The following USP25 variants were observed in gnomAD, a reference collection of about 807,000 sequenced individuals.
USP25 encodes ubiquitin carboxyl-terminal hydrolase 25.
In USP25, 85 loss-of-function variants were observed where a neutral mutation model predicts 158.5. The ratio of observed to expected loss-of-function variants is 0.54; its 90% CI spans 0.45 to 0.64. USP25 has a LOEUF of 0.64. Ranked by LOEUF, USP25 falls within the 30% of genes least tolerant of loss-of-function variation. The pLI is 0.00. For missense variants in USP25, 1,242 were observed against 1,327.3 expected, an observed-to-expected ratio of 0.94 and a Z score of 1.00; for synonymous variants, 464 against 460.4, an observed-to-expected ratio of 1.01 and a Z score of -0.10.
intron 7 of USP25, 56 bp from the exon 8 acceptor site, chr21:15,808,753 T>G (rs2036514874): frequency 7.5e-7 from 1 of 1,334,118 alleles, no homozygotes; most frequent in Non-Finnish European, 1.0e-6. Flanking sequence ...TGTTACAACA[T>G]CTAGTATTTT....
In USP25 at chr21:15,803,318, C is replaced by A. The variant is rs2183553; in HGVS notation, c.643-1803C>A. On this transcript the variant is annotated intron_variant, in intron 6 of 25. Transcript: ENST00000400183. ...ATTTCAAGAAAAGCAAACCACACAC[C>A]AATATTTCTCATGAATTTGGAAGCA... Among the ~76,000 whole-genome samples the A allele has an allele frequency of 5.6e-3, 848 of 151,722 alleles. 24 individuals are homozygous for A. The East Asian group carries it at 0.1, about 18-fold the overall frequency.
At chr21:15,789,037 A>G (rs961924944) in intron 4 of USP25, among the ~76,000 whole-genome samples, 1 of 151,978 alleles carries the variant, frequency 6.6e-6, no homozygotes, top group East Asian at 1.9e-4. Flanking sequence ...CCTTTTTGGA[A>G]TGGTGTGACA....
At chr21:15,789,821 T>C (rs1434101820) in intron 4 of USP25, among the ~76,000 whole-genome samples, 1 of 152,126 alleles carries the variant, frequency 6.6e-6, no homozygotes, top group Non-Finnish European at 1.5e-5. Context: ...CAAATGAGAA[T>C]ACTGCCATTT....
chr21:15,870,902 A>C (rs149773433), intron 23 of USP25, among the ~76,000 whole-genome samples: 156 of 152,338 alleles, frequency 1.0e-3, no homozygotes, highest in African/African-American at 3.2e-3. Flanking sequence ...TTCTGGAGCT[A>C]TGCTGTCCAA....
intron 1 of USP25, among the ~76,000 whole-genome samples, chr21:15,751,456 T>A (rs898210799): frequency 3.9e-5 from 6 of 152,204 alleles, no homozygotes; most frequent in Non-Finnish European, 8.8e-5. Flanking sequence ...TTTTGTTTTA[T>A]TAGTATAAGG....
intron 20 of USP25, among the ~76,000 whole-genome samples, chr21:15,855,814 A>G (rs745744378): frequency 4.6e-5 from 7 of 152,216 alleles, no homozygotes; most frequent in African/African-American, 9.6e-5. Flanking sequence ...CCGCCTTCCC[A>G]TCACTACAGT....
chr21:15,805,022 A>G, intron 6 of USP25, 99 bp from the exon 7 acceptor site: 1 of 1,235,388 alleles, frequency 8.1e-7, no homozygotes, highest in South Asian at 1.7e-5. Context: ...TATATTGGCT[A>G]GTTTAATTTT....
intron 14 of USP25, among the ~76,000 whole-genome samples, chr21:15,827,814 C>T (rs1436256199): frequency 6.9e-6 from 1 of 144,266 alleles, no homozygotes; most frequent in Non-Finnish European, 1.5e-5. Context: ...GTCAAGTTGC[C>T]ATCTGTCCTT....
rs747871062 is a variant in USP25 at position 15,878,397 on chromosome 21, A to C, written c.3300A>C (p.Ser1100=). 6.2e-7 allele frequency: 1 copy of C among 1,614,010 alleles called. No individual in the cohort carries two copies. The highest frequency in any genetic ancestry group is 1.3e-5 in the African/African-American group (1 of 74,934). The change falls in exon 26 of 26, where the codon TCA becomes TCC. Residue 1100 remains serine, a synonymous_variant. Transcript: ENST00000400183. The part of the protein sequence containing the change: ...KSFHEPPKLP[S]YSTHELCERF... ...TCCATGAGCCACCGAAGTTACCTTCATATTCCACGCATGAACTCTGTGAGC... is the reference window on the plus strand; with the variant it reads ...TCCATGAGCCACCGAAGTTACCTTCCTATTCCACGCATGAACTCTGTGAGC...
At chr21:15,781,505 G>T (rs1324588029) in intron 4 of USP25, among the ~76,000 whole-genome samples, 2 of 152,126 alleles carry the variant, frequency 1.3e-5, no homozygotes, top group African/African-American at 4.8e-5. Flanking sequence ...GAGTTGCTTG[G>T]CTATCATTTC....
chr21:15,757,395 C>A (rs1457390123), intron 1 of USP25, among the ~76,000 whole-genome samples: 1 of 152,080 alleles, frequency 6.6e-6, no homozygotes, highest in Non-Finnish European at 1.5e-5. Context: ...AAAACATGAA[C>A]CATACTAGAG....
intron 1 of USP25, among the ~76,000 whole-genome samples, chr21:15,755,241 C>G (rs1264362158): frequency 6.6e-6 from 1 of 151,990 alleles, no homozygotes; most frequent in African/African-American, 2.4e-5. Flanking sequence ...ACACCTATCC[C>G]CAAGGATGGA....
Position 15,825,037 on chromosome 21 carries a change from CG to C in USP25, c.1282del (p.Val428TyrfsTer6). On this transcript the variant is annotated frameshift_variant, in exon 12 of 26. Transcript: ENST00000400183. LOFTEE classifies it high-confidence loss of function. ...ATCAAGAGACTGAAAGATTACCTCA[CG>C]GTATTACAACAAAGGCTAGAAAGGT... ...EEIKRLKDYL[T>X]VLQQRLERYL... 6.2e-7 allele frequency: 1 copy of C among 1,610,436 alleles called. No individual in the cohort carries two copies.
At chr21:15,756,382 C>G (rs1159450660) in intron 1 of USP25, among the ~76,000 whole-genome samples, 2 of 152,090 alleles carry the variant, frequency 1.3e-5, no homozygotes, top group Non-Finnish European at 2.9e-5. Context: ...ACTCAGCAAG[C>G]CAGAATGCCA....
chr21:15,788,339 G>T (rs997666301), intron 4 of USP25, among the ~76,000 whole-genome samples: 1 of 151,978 alleles, frequency 6.6e-6, no homozygotes, highest in Non-Finnish European at 1.5e-5. Context: ...TATAGAAGGG[G>T]ATCAGGTGGA....
At chr21:15,866,202 AATAT>A (rs147076784) in intron 21 of USP25, 60 bp from the exon 22 acceptor site, 3,060 of 875,530 alleles carry the variant, frequency 3.5e-3, no homozygotes, top group Admixed American at 4.3e-3. Flanking sequence ...TTGATTTACA[AATAT>A]ATATATATAT....
intron 21 of USP25, among the ~76,000 whole-genome samples, chr21:15,865,587 CAG>C (rs755170014): frequency 1.3e-5 from 2 of 152,164 alleles, no homozygotes; most frequent in Non-Finnish European, 2.9e-5. Context: ...AGTTCAGAAA[CAG>C]GGTTGTTGTG....
chr21:15,784,358 A>G (rs1434353891), intron 4 of USP25, among the ~76,000 whole-genome samples: 1 of 152,166 alleles, frequency 6.6e-6, no homozygotes, highest in Admixed American at 6.5e-5. Context: ...GGATCATCTG[A>G]GGTCAGGAGT....
intron 1 of USP25, among the ~76,000 whole-genome samples, chr21:15,736,441 A>T (rs1308038642): frequency 6.6e-6 from 1 of 152,142 alleles, no homozygotes; most frequent in African/African-American, 2.4e-5. Context: ...AACCATGCAC[A>T]TGTGGTGATA....
Sources: gnomAD v4.1 joint callset for allele counts (sites outside exome capture counted in the v4.1 genomes callset) on GRCh38, gnomAD v4.1.1 for gene constraint, MANE v1.5 for transcripts, NCBI Gene and HGNC (gene_info 2026-07-23, HGNC 2026-07-21) for gene names.